TBCEL: variants seen among roughly 807,000 people sequenced by gnomAD.
TBCEL encodes the protein tubulin folding cofactor E like, also known as tubulin-specific chaperone cofactor E-like protein.
A neutral mutation model predicts 44.2 loss-of-function variants in TBCEL; 15 were observed. That is an observed-to-expected ratio of 0.34 (90% CI 0.23 to 0.52). The LOEUF (loss-of-function observed/expected upper bound fraction) is 0.52, where lower values mean the gene tolerates loss of function less well. TBCEL is among the 20% of genes least tolerant of loss of function. The pLI is 0.95. For missense variants in TBCEL, 319 were observed against 506.3 expected (o/e 0.63, Z 3.55); for synonymous variants, 171 against 185.4 (o/e 0.92, Z 0.63).
chr11:121,035,860 C>G (rs1945222534), intron 1 of TBCEL: 1 of 152,148 alleles, frequency 6.6e-6, no homozygotes, highest in Non-Finnish European at 1.5e-5. Flanking sequence ...TTAGACCACT[C>G]AGTACTGTTG....
chr11:121,087,107 C>T lies in TBCEL; in HGVS notation c.*11C>T. On this transcript the variant is annotated 3_prime_UTR_variant, in exon 9 of 9. Transcript: ENST00000683345. ...TCCAAAACAAAATAACCTCTACCAG[C>T]CTTGTGAAAAACATACACATAAGGA... The T allele has an allele frequency of 1.2e-6, 2 of 1,604,672 alleles. No homozygotes were observed. Among genetic ancestry groups the T allele is most frequent in the African/African-American group, 2.7e-5 (2 of 74,282 alleles).
intron 6 of TBCEL, among the ~76,000 whole-genome samples, chr11:121,057,829 A>C (rs1591399396): frequency 1.1e-5 from 1 of 92,940 alleles, no homozygotes; most frequent in South Asian, 3.4e-4. Flanking sequence ...GAGGTCCTGG[A>C]AACCAGTCCC....
chr11:121,044,917 G>A (rs1390271763), intron 2 of TBCEL, among the ~76,000 whole-genome samples: 2 of 152,068 alleles, frequency 1.3e-5, no homozygotes, highest in Non-Finnish European at 2.9e-5. Flanking sequence ...AGCAAAATAG[G>A]TTACTTATCT....
intron 8 of TBCEL, among the ~76,000 whole-genome samples, chr11:121,085,180 AG>A (rs760068217): frequency 2.6e-5 from 4 of 151,978 alleles, no homozygotes; most frequent in Non-Finnish European, 4.4e-5. Flanking sequence ...CTGGGACTAC[AG>A]GCGCGCACCA....
At chr11:121,054,836 C>T (rs1173714958) in intron 5 of TBCEL, 1 of 420,586 alleles carries the variant, frequency 2.4e-6, no homozygotes, top group Non-Finnish European at 4.1e-6. Flanking sequence ...TTTCGCACTA[C>T]CTTATATCAT....
intron 2 of TBCEL, among the ~76,000 whole-genome samples, chr11:121,044,149 T>C (rs2134915991): frequency 1.3e-5 from 2 of 152,226 alleles, no homozygotes; most frequent in East Asian, 3.9e-4. Context: ...TTCTATTTAT[T>C]CTACCAGTGA....
intron 5 of TBCEL, 44 bp downstream of exon 5, chr11:121,053,776 T>C (rs370353051): frequency 7.5e-6 from 12 of 1,595,576 alleles, no homozygotes; most frequent in African/African-American, 1.3e-5. Flanking sequence ...TGTTGCCATC[T>C]GTGTTAGTAC....
At chr11:121,029,988 G>A (rs1283452541) in intron 1 of TBCEL, among the ~76,000 whole-genome samples, 2 of 152,122 alleles carry the variant, frequency 1.3e-5, no homozygotes, top group Non-Finnish European at 2.9e-5. Flanking sequence ...CTGAACTAAC[G>A]GATTATGATA....
chr11:121,033,592 C>T (rs1249666911), intron 1 of TBCEL, among the ~76,000 whole-genome samples: 2 of 152,134 alleles, frequency 1.3e-5, no homozygotes, highest in Non-Finnish European at 2.9e-5. Flanking sequence ...CACCTATATT[C>T]ATCTTTTTTA....
intron 6 of TBCEL, among the ~76,000 whole-genome samples, chr11:121,055,736 C>A (rs1203068961): frequency 6.6e-6 from 1 of 151,660 alleles, no homozygotes; most frequent in Admixed American, 6.6e-5. Context: ...GCCATTTGAT[C>A]CTGTGTATCA....
chr11:121,054,160 A>G (rs1457552097), intron 5 of TBCEL, among the ~76,000 whole-genome samples: 1 of 151,936 alleles, frequency 6.6e-6, no homozygotes, highest in Non-Finnish European at 1.5e-5. Flanking sequence ...ATTGTTTTCA[A>G]AAATTTAAGA....
At chr11:121,083,986 G>T (rs534141927) in intron 8 of TBCEL, among the ~76,000 whole-genome samples, 58 of 152,300 alleles carry the variant, frequency 3.8e-4, no homozygotes, top group Middle Eastern at 6.8e-3. Context: ...CTTTTCTACT[G>T]TATCATCCCA....
intron 3 of TBCEL, among the ~76,000 whole-genome samples, chr11:121,047,300 C>T (rs1730508333): frequency 6.6e-6 from 1 of 151,894 alleles, no homozygotes; most frequent in Non-Finnish European, 1.5e-5. Context: ...GCCTAGAGGA[C>T]TTTTTTTGGT....
At position 121,089,523 on chromosome 11, in the gene TBCEL, A is replaced by G. The variant is rs1946262286; in HGVS notation, c.*2427A>G. 6.6e-6 allele frequency: 1 copy of G among 152,214 alleles called. No individual in the cohort carries two copies. Among genetic ancestry groups the G allele is most frequent in the Non-Finnish European group, 1.5e-5 (1 of 68,026 alleles). 9.4% of individuals were successfully genotyped at this position (152,214 alleles called of 1,614,324 possible). ...AGTTACAGAACAGAAGTTAATGAAA[A>G]AGGCTATTTGAGCATGTGTACTTAT... On this transcript the variant is annotated 3_prime_UTR_variant, in exon 9 of 9. Transcript: ENST00000683345.
chr11:121,029,192 G>T (rs1250874580), intron 1 of TBCEL, among the ~76,000 whole-genome samples: 1 of 152,172 alleles, frequency 6.6e-6, no homozygotes, highest in East Asian at 1.9e-4. Flanking sequence ...CACTCCCTCA[G>T]TGTTCTCAAA....
In TBCEL at chr11:121,088,285, T is replaced by G. The variant is rs1946246557; in HGVS notation, c.*1189T>G. The G allele has an allele frequency of 6.6e-6, 1 of 152,232 alleles. No individual in the cohort carries two copies. Among genetic ancestry groups the G allele is most frequent in the African/African-American group, 2.4e-5 (1 of 41,474 alleles). The allele number at this position is 152,232 out of a possible 1,614,324, so 9.4% of individuals were successfully genotyped here. ...AGTTCTTTTGTTTTACATTTCAATT[T>G]AGTTGCCTCATAGAAGTATAACTGC... On this transcript the variant is annotated 3_prime_UTR_variant, in exon 9 of 9. Transcript: ENST00000683345.
chr11:121,064,819 T>C (rs908061533), intron 8 of TBCEL, among the ~76,000 whole-genome samples: 1 of 152,114 alleles, frequency 6.6e-6, no homozygotes, highest in African/African-American at 2.4e-5. Flanking sequence ...ATCATACTTA[T>C]TTTCTTTTTA....
chr11:121,048,792 T>C (rs991378368), intron 4 of TBCEL, among the ~76,000 whole-genome samples: 20 of 151,898 alleles, frequency 1.3e-4, no homozygotes, highest in African/African-American at 4.6e-4. Context: ...CCATATACTT[T>C]TACTTGCAGC....
Position 121,056,629 on chromosome 11 carries a change from A to C in TBCEL, c.712+1321A>C, listed in dbSNP as rs183727736. Among the ~76,000 whole-genome samples the C allele has an allele frequency of 4.3e-3, 656 of 151,970 alleles. 2 individuals are homozygous for C. Among genetic ancestry groups the C allele is most frequent in the Non-Finnish European group, 6.7e-3 (457 of 67,882 alleles). On this transcript the variant is annotated intron_variant, in intron 6 of 8. Coordinates refer to ENST00000683345, the MANE Select transcript of TBCEL (RefSeq NM_001363644.2). ...AGTTCAAGAGTTCCTCTTGCTCTAC[A>C]TCCTTACCAGAGTTTGATGTTCTCA...
Sources: gnomAD v4.1 joint callset for allele counts (sites outside exome capture counted in the v4.1 genomes callset) on GRCh38, gnomAD v4.1.1 for gene constraint, MANE v1.5 for transcripts, NCBI Gene and HGNC (gene_info 2026-07-23, HGNC 2026-07-21) for gene names.